The following GLCE variants were observed in gnomAD, a reference collection of about 807,000 sequenced individuals.
The protein encoded by GLCE is D-glucuronyl C5-epimerase.
In GLCE, 19 loss-of-function variants were observed where a neutral mutation model predicts 47.9. That is an observed-to-expected ratio of 0.40 (90% CI 0.28 to 0.58). The LOEUF (loss-of-function observed/expected upper bound fraction) is 0.58, where lower values mean the gene tolerates loss of function less well. GLCE is among the 20% of genes least tolerant of loss of function. The pLI is 0.48. For synonymous variants in GLCE, 245 were observed against 263.4 expected (o/e 0.93, Z 0.68); for missense variants, 556 against 743.3 (o/e 0.75, Z 2.93).
At chr15:69,244,197 T>G (rs774415515) in intron 2 of GLCE, among the ~76,000 whole-genome samples, 40 of 152,340 alleles carry the variant, frequency 2.6e-4, no homozygotes, top group Non-Finnish European at 5.3e-4. Flanking sequence ...TGTCAAGAGC[T>G]TAATTATTCT....
rs35986310 is a variant in GLCE, at chr15:69,221,862, C to CA, written c.-14+11479dup. Among the ~76,000 whole-genome samples, 580 of 87,300 alleles carry CA rather than the reference C, an allele frequency of 6.6e-3. 3 individuals carry two copies. Among genetic ancestry groups the CA allele is most frequent in the African/African-American group, 0.013 (316 of 24,088 alleles). The allele number at this position is 87,300 out of a possible 152,430, so 57.3% of individuals were successfully genotyped here. The stretch of plus-strand genomic sequence containing the variant: ...AGGGCAACAGAGTGAGACGCTGTCT[C>CA]AAAAAAAAAAAAAAAAAAAAAAATA... On this transcript the variant is annotated intron_variant, in intron 2 of 4. Coordinates refer to ENST00000261858, the MANE Select transcript of GLCE (RefSeq NM_015554.3).
chr15:69,257,362 G>T (rs1330105553), intron 3 of GLCE, among the ~76,000 whole-genome samples: 1 of 152,052 alleles, frequency 6.6e-6, no homozygotes, highest in Non-Finnish European at 1.5e-5. Context: ...TTTTGAGACA[G>T]AATCTCACTC....
At chr15:69,188,351 A>T (rs959903839) in intron 1 of GLCE, among the ~76,000 whole-genome samples, 2 of 152,244 alleles carry the variant, frequency 1.3e-5, no homozygotes, top group African/African-American at 2.4e-5. Flanking sequence ...ATCTATATTC[A>T]TAGGAAAATT....
chr15:69,197,053 A>G (rs980884963), intron 1 of GLCE: 4 of 332,326 alleles, frequency 1.2e-5, no homozygotes, highest in Admixed American at 3.2e-5. Flanking sequence ...AAACCATTAC[A>G]TCTGAGAAGT....
At chr15:69,256,488 G>A (rs1012308636) in intron 3 of GLCE, 96 bp downstream of exon 3, 10 of 849,708 alleles carry the variant, frequency 1.2e-5, no homozygotes, top group Middle Eastern at 2.3e-4. Context: ...ATAGCTTACT[G>A]TCAAAAGACC....
At chr15:69,220,969 T>C (rs777261676) in intron 2 of GLCE, among the ~76,000 whole-genome samples, 31 of 152,232 alleles carry the variant, frequency 2.0e-4, no homozygotes, top group Non-Finnish European at 4.3e-4. Flanking sequence ...CTTCACTCTT[T>C]TGCATATGGA....
intron 1 of GLCE, among the ~76,000 whole-genome samples, chr15:69,188,959 A>G (rs1421831057): frequency 6.6e-6 from 1 of 152,086 alleles, no homozygotes; most frequent in Non-Finnish European, 1.5e-5. Flanking sequence ...TATCCCCCCC[A>G]CCAGCCTTTC....
At chr15:69,245,053 C>T (rs4777129) in intron 2 of GLCE, among the ~76,000 whole-genome samples, 83,763 of 151,872 alleles carry the variant, frequency 0.55, 24,876 homozygotes, top group Admixed American at 0.67. Flanking sequence ...CATACCTGGC[C>T]GGGTGCAGTG....
chr15:69,221,062 T>C (rs2052371235), intron 2 of GLCE, among the ~76,000 whole-genome samples: 2 of 152,234 alleles, frequency 1.3e-5, no homozygotes, highest in Non-Finnish European at 2.9e-5. Context: ...TGTCAAAAAT[T>C]ATTTGATTAT....
chr15:69,256,063 C>G lies in GLCE; in HGVS notation c.257C>G (p.Pro86Arg), dbSNP rs374385882. 1.2e-6 allele frequency: 2 copies of G among 1,613,958 alleles called. No individual in the cohort carries two copies. Among genetic ancestry groups the G allele is most frequent in the African/African-American group, 2.7e-5 (2 of 74,888 alleles). The stretch of plus-strand genomic sequence containing the variant: ...CCTCAGGAACAGCAGAAAGCACCCC[C>G]TGTTGTTGGGGGCTTCAATAGCAAT... ...AFPQEQQKAP[P>R]VVGGFNSNVG... Residue 86 changes from proline to arginine, a missense_variant, in exon 3 of 5, where the codon CCT (proline) becomes CGT (arginine). Transcript: ENST00000261858.
chr15:69,250,762 T>A (rs2052831403), intron 2 of GLCE, among the ~76,000 whole-genome samples: 1 of 142,872 alleles, frequency 7.0e-6, no homozygotes, highest in South Asian at 2.3e-4. Context: ...CCTACCCCAG[T>A]CCCAAGTAGC....
chr15:69,222,385 T>C (rs2052389882), intron 2 of GLCE, among the ~76,000 whole-genome samples: 1 of 152,130 alleles, frequency 6.6e-6, no homozygotes, highest in African/African-American at 2.4e-5. Context: ...GTTGAGGCTT[T>C]GCTGTGTGTA....
chr15:69,263,053 G>A (rs906082018), intron 4 of GLCE, among the ~76,000 whole-genome samples: 1 of 152,132 alleles, frequency 6.6e-6, no homozygotes, highest in Admixed American at 6.5e-5. Flanking sequence ...GACCCATCAT[G>A]AGGGAAGATC....
intron 1 of GLCE, among the ~76,000 whole-genome samples, chr15:69,203,657 C>G (rs1312319959): frequency 2.0e-5 from 3 of 151,998 alleles, no homozygotes; most frequent in Admixed American, 2.0e-4. Flanking sequence ...GGAAAATAAC[C>G]TAAATTCTTG....
chr15:69,208,753 C>T (rs1480743545), intron 1 of GLCE, among the ~76,000 whole-genome samples: 3 of 152,044 alleles, frequency 2.0e-5, no homozygotes, highest in African/African-American at 7.2e-5. Context: ...GATCTATGAA[C>T]ACAGGATATC....
intron 4 of GLCE, among the ~76,000 whole-genome samples, chr15:69,264,401 C>T (rs2053057672): frequency 6.6e-6 from 1 of 152,082 alleles, no homozygotes; most frequent in Non-Finnish European, 1.5e-5. Flanking sequence ...CACGTGCACA[C>T]ACACACACAC....
chr15:69,167,581 T>C (rs1028145397), intron 1 of GLCE, among the ~76,000 whole-genome samples: 1 of 152,244 alleles, frequency 6.6e-6, no homozygotes. Context: ...AATACAGAAA[T>C]GCATAAAATC....
At chr15:69,227,467 G>T (rs973167162) in intron 2 of GLCE, among the ~76,000 whole-genome samples, 1 of 152,168 alleles carries the variant, frequency 6.6e-6, no homozygotes, top group Non-Finnish European at 1.5e-5. Context: ...CACAGTATTT[G>T]TTAGAATGAA....
intron 4 of GLCE, among the ~76,000 whole-genome samples, chr15:69,267,831 G>A (rs865873848): frequency 1.4e-5 from 2 of 141,552 alleles, no homozygotes; most frequent in Non-Finnish European, 1.5e-5. Flanking sequence ...TATGTGCTGA[G>A]CCAGGTTTTG....
Sources: gnomAD v4.1 joint callset for allele counts (sites outside exome capture counted in the v4.1 genomes callset) on GRCh38, gnomAD v4.1.1 for gene constraint, MANE v1.5 for transcripts, NCBI Gene and HGNC (gene_info 2026-07-23, HGNC 2026-07-21) for gene names.